Variants in NEURL2 observed in about 807,000 individuals in gnomAD.
NEURL2 encodes the protein neuralized E3 ubiquitin protein ligase 2, also known as neuralized-like protein 2.
In NEURL2, 16 loss-of-function variants were observed where a neutral mutation model predicts 15.9. The ratio of observed to expected loss-of-function variants is 1.01; its 90% CI spans 0.68 to 1.53. The LOEUF (loss-of-function observed/expected upper bound fraction) is 1.53, where lower values mean the gene tolerates loss of function less well. NEURL2 is among the 40% of genes most tolerant of loss of function. The pLI is 0.00. For missense variants in NEURL2, 393 were observed against 407.8 expected (o/e 0.96, Z 0.31); for synonymous variants, 188 against 178.3 (o/e 1.05, Z -0.43).
In NEURL2 at chr20:45,890,420, C is replaced by T; in HGVS notation, c.572G>A (p.Gly191Asp). 1.2e-6 allele frequency: 2 copies of T among 1,611,404 alleles called. No homozygotes were observed. Among genetic ancestry groups the T allele is most frequent in the East Asian group, 4.5e-5 (2 of 44,840 alleles). ...LPPTARRSRL[G>D]VLFCPRPDGT... ...ATCGGGGCGCGGGCAAAAGAGGACA[C>T]CCAGGCGGCTACGGCGCGCGGTCGG... The change falls in exon 1 of 2, where the codon GGT becomes GAT. Residue 191 changes from glycine (G) to aspartate (D), a missense_variant. Physicochemically the swap from Gly to Asp is moderately conservative, Grantham distance 94. Transcript: ENST00000372518.
Position 45,888,723 on chromosome 20 carries a change from C to A in NEURL2, c.*35G>T. 6.2e-7 allele frequency: 1 copy of A among 1,609,742 alleles called. No individual in the cohort carries two copies. Among genetic ancestry groups the A allele is most frequent in the Non-Finnish European group, 8.5e-7 (1 of 1,177,344 alleles). On this transcript the variant is annotated 3_prime_UTR_variant, in exon 2 of 2. Transcript: ENST00000372518. ...CCAGCCAGCCACAGGTCTGGGGCTC[C>A]AGGATGCAGCTGTGCTCTGGTGCAC...
Position 45,890,542 on chromosome 20 carries a change from C to T in NEURL2, c.450G>A (p.Glu150=). ...GGCGGTCCCGGGGAATGCGAAACTG[C>T]TCAATGCGCAGATATGGTTCCACGA... ...TLLVEPYLRI[E]QFRIPRDRLV... is the part of the protein sequence containing the mutation. Residue 150 remains glutamate, a synonymous_variant, in exon 1 of 2, where the codon GAG becomes GAA. Coordinates refer to ENST00000372518, the MANE Select transcript of NEURL2 (RefSeq NM_080749.4). 6.2e-7 allele frequency: 1 copy of T among 1,610,082 alleles called. No individual in the cohort carries two copies. Among genetic ancestry groups the T allele is most frequent in the Non-Finnish European group, 8.5e-7 (1 of 1,178,172 alleles).
In NEURL2 at chr20:45,888,687, C is replaced by T. The variant is rs1986576284; in HGVS notation, c.*71G>A. The T allele has an allele frequency of 1.3e-6, 2 of 1,510,402 alleles. No homozygotes were observed. The highest frequency in any genetic ancestry group is 1.8e-6 in the Non-Finnish European group (2 of 1,098,556). The allele number at this position is 1,510,402 out of a possible 1,614,324, so 93.6% of individuals were successfully genotyped here. On this transcript the variant is annotated 3_prime_UTR_variant, in exon 2 of 2. Coordinates refer to ENST00000372518, the MANE Select transcript of NEURL2 (RefSeq NM_080749.4). ...CTGGTCTTGGCTGGCAGCAATGTGG[C>T]CAACTTCGGACCAGCCAGCCACAGG... is the stretch of plus-strand genomic sequence containing the variant.
At position 45,890,797 on chromosome 20, in the gene NEURL2, G is replaced by A. The variant is rs1986759404; in HGVS notation, c.195C>T (p.Val65=). The change falls in exon 1 of 2, where the codon GTC becomes GTT. Residue 65 remains valine, a synonymous_variant. Transcript: ENST00000372518. ...FSREPLAPGQ[V]FLVEIEEKEL... ...CTTTCTCCTCGATCTCGACCAGGAA[G>A]ACCTGGCCCGGGGCCAGCGGCTCGC... 1 of 1,599,230 alleles carries A rather than the reference G, an allele frequency of 6.3e-7. No homozygotes were observed. Among genetic ancestry groups the A allele is most frequent in the African/African-American group, 1.3e-5 (1 of 74,516 alleles).
rs1986715326 is a variant in NEURL2 at position 45,890,420 on chromosome 20, C to A, written c.572G>T (p.Gly191Val). The part of the protein sequence containing the change: ...LPPTARRSRL[G>V]VLFCPRPDGT... ...ATCGGGGCGCGGGCAAAAGAGGACACCCAGGCGGCTACGGCGCGCGGTCGG... is the reference window on the plus strand; with the variant it reads ...ATCGGGGCGCGGGCAAAAGAGGACAACCAGGCGGCTACGGCGCGCGGTCGG... The change falls in exon 1 of 2, where the codon GGT becomes GTT. Residue 191 changes from glycine (G) to valine (V), a missense_variant. Gly to Val is a moderately radical substitution (Grantham distance 109, BLOSUM62 -3). Transcript: ENST00000372518. 2 of 1,611,404 alleles carry A rather than the reference C, an allele frequency of 1.2e-6. No individual in the cohort carries two copies. Among genetic ancestry groups the A allele is most frequent in the Non-Finnish European group, 1.7e-6 (2 of 1,179,048 alleles).
At position 45,891,160 on chromosome 20, in the gene NEURL2, C is replaced by T; in HGVS notation, c.-169G>A. On this transcript the variant is annotated 5_prime_UTR_variant, in exon 1 of 2. Coordinates refer to ENST00000372518, the MANE Select transcript of NEURL2 (RefSeq NM_080749.4). The surrounding 1 kb of genome is among the most constrained non-coding windows in gnomAD (Gnocchi z 4.6). ...CTCAGCCATCCCGCCTACAACTTAG[C>T]CGTCCACAACAGGATCATCTGATCG... 1 of 993,784 alleles carries T rather than the reference C, an allele frequency of 1.0e-6. No homozygotes were observed. The allele number at this position is 993,784 out of a possible 1,614,324, so 61.6% of individuals were successfully genotyped here.
In NEURL2 at chr20:45,890,625, G is replaced by A. The variant is rs768110929; in HGVS notation, c.367C>T (p.Pro123Ser). The change falls in exon 1 of 2, where the codon CCC becomes TCC. Residue 123 changes from proline to serine, a missense_variant. Transcript: ENST00000372518. ...FAITRHHNRV[P>S]REGRPEAEAA... The stretch of plus-strand genomic sequence containing the variant: ...TCCGCCTCCGGGCGGCCCTCCCGGG[G>A]CACGCGGTTGTGGTGGCGCGTGATG... 13 of 1,612,956 alleles carry A rather than the reference G, an allele frequency of 8.1e-6. No individual in the cohort carries two copies. Among genetic ancestry groups the A allele is most frequent in the Non-Finnish European group, 1.1e-5 (13 of 1,179,652 alleles).
chr20:45,888,781 T>A lies in NEURL2; in HGVS notation c.835A>T (p.Lys279Ter). The A allele has an allele frequency of 6.2e-7, 1 of 1,614,106 alleles. No individual in the cohort carries two copies. The highest frequency in any genetic ancestry group is 8.5e-7 in the Non-Finnish European group (1 of 1,180,018). ...CTTCACTCATACTTGCAGAAATCCT[T>A]AAGTTCTTTGGGCAGGTGGAGCCCA... Reference protein sequence around the residue: ...IDGLHLPKELKDFCKYE With the variant: ...IDGLHLPKEL The change falls in exon 2 of 2, where the codon AAG becomes TAG. Residue 279 changes from lysine to a stop codon, truncating the protein, a stop_gained. Transcript: ENST00000372518. LOFTEE classifies it high-confidence loss of function.
Position 45,891,133 on chromosome 20 carries a change from T to C in NEURL2, c.-142A>G. 1 of 1,040,576 alleles carries C rather than the reference T, an allele frequency of 9.6e-7. No individual in the cohort carries two copies. The highest frequency in any genetic ancestry group is 1.4e-6 in the Non-Finnish European group (1 of 721,822). The allele number at this position is 1,040,576 out of a possible 1,614,324, so 64.5% of individuals were successfully genotyped here. On this transcript the variant is annotated 5_prime_UTR_variant, in exon 1 of 2. Transcript: ENST00000372518. This position sits in a 1 kb window ranked among gnomAD's most constrained non-coding sequence, Gnocchi z 4.6. ...TCTGCCCGGGGGTCCTAGCGCCGCT[T>C]TCTCAGCCATCCCGCCTACAACTTA...
rs1304746675 is a variant in NEURL2 at position 45,888,806 on chromosome 20, A to G, written c.810T>C (p.Asp270=). 35 of 1,614,038 alleles carry G rather than the reference A, an allele frequency of 2.2e-5. No homozygotes were observed. The highest frequency in any genetic ancestry group is 2.7e-5 in the African/African-American group (2 of 74,924). ...QRSMVHRLAI[D]GLHLPKELKD... ...TAAGTTCTTTGGGCAGGTGGAGCCC[A>G]TCAATGGCCAGCCGGTGCACCATGC... Residue 270 remains aspartate (D), a synonymous_variant, in exon 2 of 2, where the codon GAT becomes GAC. Transcript: ENST00000372518.
At position 45,890,602 on chromosome 20, in the gene NEURL2, C is replaced by T. The variant is rs1986738860; in HGVS notation, c.390G>A (p.Ala130=). 1 of 1,612,544 alleles carries T rather than the reference C, an allele frequency of 6.2e-7. No homozygotes were observed. The highest frequency in any genetic ancestry group is 8.5e-7 in the Non-Finnish European group (1 of 1,179,418). The change falls in exon 1 of 2, where the codon GCG becomes GCA. Residue 130 remains alanine (A), a synonymous_variant. Coordinates refer to ENST00000372518, the MANE Select transcript of NEURL2 (RefSeq NM_080749.4). ...NRVPREGRPE[A]EAAAPSRPPT... is the part of the protein sequence containing the mutation. ...GAGGTCGGCTGGGGGCCGCTGCCTC[C>T]GCCTCCGGGCGGCCCTCCCGGGGCA...
chr20:45,890,905 C>T lies in NEURL2; in HGVS notation c.87G>A (p.Val29=). Residue 29 remains valine, a synonymous_variant, in exon 1 of 2, where the codon GTG becomes GTA. Transcript: ENST00000372518. ...PEPPPTRFHR[V]HGANIRVDPS... ...GGTCCACGCGGATGTTGGCACCGTG[C>T]ACCCGATGGAAGCGGGTGGGAGGGG... 1 of 1,555,680 alleles carries T rather than the reference C, an allele frequency of 6.4e-7. No homozygotes were observed. Among genetic ancestry groups the T allele is most frequent in the Non-Finnish European group, 8.7e-7 (1 of 1,149,206 alleles).
Position 45,890,272 on chromosome 20 carries a change from G to A in NEURL2, c.720C>T (p.Arg240=). 2.5e-6 allele frequency: 4 copies of A among 1,613,786 alleles called. No homozygotes were observed. The highest frequency in any genetic ancestry group is 3.4e-6 in the Non-Finnish European group (4 of 1,180,024). The change falls in exon 1 of 2, where the codon CGC becomes CGT. Residue 240 remains arginine, a synonymous_variant. Transcript: ENST00000372518. ...TACAGCCATACTCGAGCTGGACAAG[G>A]CGCACGCTCTTTGTGGAAGCAAACA... is the stretch of plus-strand genomic sequence containing the variant. ...VDVFASTKSV[R]LVQLEYGLPS... is the part of the protein sequence containing the mutation.
chr20:45,890,540 T>C lies in NEURL2; in HGVS notation c.452A>G (p.Gln151Arg), dbSNP rs1030456894. Reference sequence around the variant, plus strand: ...CAGGCGGTCCCGGGGAATGCGAAACTGCTCAATGCGCAGATATGGTTCCAC... The same window carrying C: ...CAGGCGGTCCCGGGGAATGCGAAACCGCTCAATGCGCAGATATGGTTCCAC... ...LLVEPYLRIE[Q>R]FRIPRDRLVG... is the part of the protein sequence containing the mutation. Residue 151 changes from glutamine (Q) to arginine (R), a missense_variant, in exon 1 of 2, where the codon CAG becomes CGG. Physicochemically the swap from Gln to Arg is conservative, Grantham distance 43. Coordinates refer to ENST00000372518, the MANE Select transcript of NEURL2 (RefSeq NM_080749.4). The C allele has an allele frequency of 5.0e-6, 8 of 1,609,488 alleles. No homozygotes were observed. The highest frequency in any genetic ancestry group is 5.9e-6 in the Non-Finnish European group (7 of 1,177,748).
At chr20:45,889,453 AGCGATCCTCCT>A (rs899742615) in intron 1 of NEURL2, among the ~76,000 whole-genome samples, 4 of 151,846 alleles carry the variant, frequency 2.6e-5, no homozygotes, top group African/African-American at 9.7e-5. Flanking sequence ...CTTGGGCTCA[AGCGATCCTCCT>A]GCCTTAGCCT....
rs766456407 is a variant in NEURL2 at position 45,890,366 on chromosome 20, TTGA to T, written c.623_625del (p.Ile208del). Reference sequence around the variant, plus strand: ...GGCGCTCGGGCCCATGTCCTCGCCGTTGATGATGATGTGCATGTCGGCCGTGCC... The same window carrying T: ...GGCGCTCGGGCCCATGTCCTCGCCGTTGATGATGTGCATGTCGGCCGTGCC... On this transcript the variant is annotated inframe_deletion, in exon 1 of 2. Transcript: ENST00000372518. The T allele has an allele frequency of 6.8e-6, 11 of 1,612,588 alleles. No homozygotes were observed. Among genetic ancestry groups the T allele is most frequent in the Non-Finnish European group, 9.3e-6 (11 of 1,179,926 alleles).
At position 45,890,520 on chromosome 20, in the gene NEURL2, G is replaced by A. The variant is rs997216847; in HGVS notation, c.472C>T (p.Arg158Cys). 4.4e-6 allele frequency: 7 copies of A among 1,601,692 alleles called. No homozygotes were observed. In the Admixed American group the frequency reaches 5.1e-5, roughly 12 times the overall value. The change falls in exon 1 of 2, where the codon CGC (arginine) becomes TGC (cysteine). Residue 158 changes from arginine to cysteine, a missense_variant. Transcript: ENST00000372518. ...CCTGGCCGGCTGCGGCCCACCAGGC[G>A]GTCCCGGGGAATGCGAAACTGCTCA... is the stretch of plus-strand genomic sequence containing the variant. ...RIEQFRIPRDRLVGRSRPGLY... is the reference protein window; with the variant it reads ...RIEQFRIPRDCLVGRSRPGLY...
At chr20:45,890,203 C>CT in intron 1 of NEURL2, 47 bp downstream of exon 1, 1 of 1,611,378 alleles carries the variant, frequency 6.2e-7, no homozygotes, top group East Asian at 2.2e-5. Context: ...TAGTAGATTC[C>CT]AGTCCCCACA....
chr20:45,889,304 G>A (rs923063757), intron 1 of NEURL2, among the ~76,000 whole-genome samples: 3 of 152,080 alleles, frequency 2.0e-5, no homozygotes, highest in East Asian at 1.9e-4. Flanking sequence ...GTTATGCCTC[G>A]AAGCCAATAG....
Sources: gnomAD v4.1 joint callset for allele counts (sites outside exome capture counted in the v4.1 genomes callset) on GRCh38, gnomAD v4.1.1 for gene constraint, Gnocchi (gnomAD v3.1) non-coding constraint, MANE v1.5 for transcripts, NCBI Gene and HGNC (gene_info 2026-07-23, HGNC 2026-07-21) for gene names.